Variants in RAB9B observed in about 807,000 individuals in gnomAD.
The protein encoded by RAB9B is ras-related protein Rab-9B.
RAB9B carries 1 observed loss-of-function variant against 8.9 expected under a neutral mutation model. That is an observed-to-expected ratio of 0.11 (90% confidence interval 0.04 to 0.53). The LOEUF is 0.53. Ranked by LOEUF, RAB9B falls within the 20% of genes least tolerant of loss-of-function variation. The probability of loss-of-function intolerance (pLI) is 0.93; values close to 1 mark genes in which losing one functional copy is unlikely to be tolerated. For missense variants in RAB9B, 82 were observed against 152.9 expected (o/e 0.54, Z 2.45); for synonymous variants, 63 against 57.0 (o/e 1.10, Z -0.47).
chrX:103,778,217 G>A, the RAB9B span, among the ~76,000 whole-genome samples: 5 of 112,571 alleles, frequency 4.4e-5, no homozygotes, highest in South Asian at 1.8e-3. Context: ...TTTCAGGGTT[G>A]TGAGAATCAA....
At chrX:103,813,383 T>C in the RAB9B span, among the ~76,000 whole-genome samples, 1 of 110,768 alleles carries the variant, frequency 9.0e-6, no homozygotes, top group African/African-American at 3.3e-5. Context: ...AACCTGTTTG[T>C]TTTAAAGAGA....
At chrX:103,829,713 A>G in intron 1 of RAB9B, among the ~76,000 whole-genome samples, 1 of 112,340 alleles carries the variant, frequency 8.9e-6, no homozygotes, top group African/African-American at 3.2e-5. Flanking sequence ...ATGCAAGCTC[A>G]GGATCTCATT....
At chrX:103,821,786 T>C (rs1160938803), downstream of RAB9B, among the ~76,000 whole-genome samples, 1 of 112,090 alleles carries the variant, frequency 8.9e-6, no homozygotes, top group Non-Finnish European at 1.9e-5. Flanking sequence ...ATATTTTTTC[T>C]TTTATTTGTA....
the RAB9B span, among the ~76,000 whole-genome samples, chrX:103,800,969 C>T: frequency 9.0e-6 from 1 of 111,728 alleles, no homozygotes; most frequent in Non-Finnish European, 1.9e-5. Flanking sequence ...TACCATACAC[C>T]TTTAGGAAAA....
downstream of RAB9B, among the ~76,000 whole-genome samples, chrX:103,821,974 T>A (rs2074662710): frequency 9.0e-6 from 1 of 111,210 alleles, no homozygotes; most frequent in Admixed American, 9.6e-5. Context: ...CCAATACACG[T>A]CATGCATTAG....
the RAB9B span, among the ~76,000 whole-genome samples, chrX:103,790,199 C>T: frequency 4.4e-3 from 499 of 112,271 alleles, 4 homozygotes; most frequent in Non-Finnish European, 7.9e-3. Context: ...CTAAGTCACT[C>T]GGACATATTG....
chrX:103,825,110 GA>G lies in RAB9B; in HGVS notation c.*68del, dbSNP rs1382082037. The G allele has an allele frequency of 2.7e-6, 3 of 1,098,302 alleles. No homozygotes were observed. The highest frequency in any genetic ancestry group is 3.7e-6 in the Non-Finnish European group (3 of 814,843). 90.5% of individuals were successfully genotyped at this position (1,098,302 alleles called of 1,213,427 possible). ...TTGTGTGCGTGTGTGTGCACTCTTA[GA>G]GGGGCACAGTTATTCTTACACTACT... On this transcript the variant is annotated 3_prime_UTR_variant, in exon 3 of 3. Coordinates refer to ENST00000243298, the MANE Select transcript of RAB9B (RefSeq NM_016370.4).
the RAB9B span, chrX:103,781,454 C>T: frequency 3.5e-5 from 7 of 201,687 alleles, no homozygotes; most frequent in African/African-American, 1.7e-4. Context: ...ATGACATGAT[C>T]TTTTCCCTTT....
At chrX:103,830,460 G>A (rs12845548) in intron 1 of RAB9B, among the ~76,000 whole-genome samples, 25,506 of 110,876 alleles carry the variant, frequency 0.23, 2,502 homozygotes, top group Middle Eastern at 0.42. Flanking sequence ...TCTGTCGGGC[G>A]AGCATTTGGA....
the RAB9B span, among the ~76,000 whole-genome samples, chrX:103,815,560 A>C: frequency 0.011 from 1,179 of 112,282 alleles, 13 homozygotes; most frequent in African/African-American, 0.035. Flanking sequence ...CCTATTCAAC[A>C]TAGTATTAGA....
At chrX:103,830,845 A>G (rs2074700829) in intron 1 of RAB9B, among the ~76,000 whole-genome samples, 1 of 111,957 alleles carries the variant, frequency 8.9e-6, no homozygotes, top group Admixed American at 9.4e-5. Context: ...AAAATAGTAC[A>G]TTTTAGTATG....
chrX:103,795,889 T>G, the RAB9B span, among the ~76,000 whole-genome samples: 2 of 111,787 alleles, frequency 1.8e-5, no homozygotes, highest in Non-Finnish European at 3.8e-5. Context: ...AAAAAAAAAT[T>G]TGTCATTTTC....
At chrX:103,816,049 A>G in the RAB9B span, among the ~76,000 whole-genome samples, 4 of 111,879 alleles carry the variant, frequency 3.6e-5, no homozygotes, top group Non-Finnish European at 5.6e-5. Context: ...CAAGCTATCA[A>G]TGACTTTCTT....
At chrX:103,798,644 ATT>A in the RAB9B span, among the ~76,000 whole-genome samples, 7 of 98,226 alleles carry the variant, frequency 7.1e-5, no homozygotes, top group Non-Finnish European at 6.2e-5. Flanking sequence ...GCAAACTACA[ATT>A]TTTTTTTTTT....
At chrX:103,788,572 T>C in the RAB9B span, 2 of 850,017 alleles carry the variant, frequency 2.4e-6, no homozygotes, top group Non-Finnish European at 1.8e-6. Context: ...ATTACACCCA[T>C]GGCCTTCAAT....
chrX:103,786,201 G>A, the RAB9B span: 2 of 1,135,359 alleles, frequency 1.8e-6, no homozygotes, highest in South Asian at 1.9e-5. Flanking sequence ...GTGGGGCAGG[G>A]AGAGTAGGTC....
downstream of RAB9B, among the ~76,000 whole-genome samples, chrX:103,818,041 C>A (rs2074646485): frequency 9.0e-6 from 1 of 110,867 alleles, no homozygotes; most frequent in Admixed American, 9.6e-5. Context: ...AAGGCAAGAT[C>A]TATGGGAGGG....
At chrX:103,813,618 A>G in the RAB9B span, among the ~76,000 whole-genome samples, 1 of 108,512 alleles carries the variant, frequency 9.2e-6, no homozygotes, top group South Asian at 4.1e-4. Context: ...AAAGACGACG[A>G]CTGGCAAATT....
At chrX:103,821,925 A>G (rs916632997), downstream of RAB9B, among the ~76,000 whole-genome samples, 3 of 111,468 alleles carry the variant, frequency 2.7e-5, no homozygotes, top group African/African-American at 9.8e-5. Flanking sequence ...AAATTATAAT[A>G]AAGAAATAAA....
Sources: gnomAD v4.1 joint callset for allele counts (sites outside exome capture counted in the v4.1 genomes callset) on GRCh38, gnomAD v4.1.1 for gene constraint, MANE v1.5 for transcripts, NCBI Gene and HGNC (gene_info 2026-07-23, HGNC 2026-07-21) for gene names.